Variants in MYO5B observed in about 807,000 individuals in gnomAD.
MYO5B encodes myosin VB.
Under a neutral mutation model 229.3 loss-of-function variants are expected in MYO5B, and 143 were observed. The ratio of observed to expected loss-of-function variants is 0.62; its 90% CI spans 0.54 to 0.72. The LOEUF (loss-of-function observed/expected upper bound fraction) is 0.72. Among genes scored for constraint, MYO5B ranks in the 30% least tolerant of loss-of-function variants. The pLI is 0.00. For synonymous variants in MYO5B, 918 were observed against 885.2 expected (o/e 1.04, Z -0.66); for missense variants, 2,321 against 2,331.0 (o/e 1.00, Z 0.09).
At chr18:50,176,388 T>G (rs2032997468) in intron 1 of MYO5B, among the ~76,000 whole-genome samples, 1 of 152,224 alleles carries the variant, frequency 6.6e-6, no homozygotes, top group African/African-American at 2.4e-5. Flanking sequence ...CTGAAGTTAT[T>G]TTTTCTCATT....
intron 8 of MYO5B, among the ~76,000 whole-genome samples, chr18:49,982,698 A>G (rs2025828698): frequency 6.6e-6 from 1 of 152,206 alleles, no homozygotes; most frequent in African/African-American, 2.4e-5. Flanking sequence ...GTCTATTGCT[A>G]CTTTCACAAA....
chr18:50,147,457 G>A (rs988838469), intron 1 of MYO5B, among the ~76,000 whole-genome samples: 1 of 152,112 alleles, frequency 6.6e-6, no homozygotes, highest in African/African-American at 2.4e-5. Context: ...CCGCCACAGG[G>A]TACATGGATT....
At chr18:49,998,604 C>A (rs1428141405) in intron 5 of MYO5B, among the ~76,000 whole-genome samples, 1 of 152,218 alleles carries the variant, frequency 6.6e-6, no homozygotes, top group African/African-American at 2.4e-5. Flanking sequence ...ACATTCACAG[C>A]AGCACTATGC....
chr18:50,101,323 A>C (rs909770357), intron 1 of MYO5B, among the ~76,000 whole-genome samples: 1 of 152,208 alleles, frequency 6.6e-6, no homozygotes, highest in African/African-American at 2.4e-5. Flanking sequence ...CACAGGGAAG[A>C]GGGGTACTTA....
chr18:50,043,422 T>C (rs1205106231), intron 2 of MYO5B, among the ~76,000 whole-genome samples: 4 of 117,822 alleles, frequency 3.4e-5, no homozygotes, highest in South Asian at 4.6e-4. Flanking sequence ...AATATTTAAA[T>C]ATATTTAAAT....
chr18:50,128,883 T>C (rs2032209738), intron 1 of MYO5B, among the ~76,000 whole-genome samples: 1 of 152,194 alleles, frequency 6.6e-6, no homozygotes, highest in Admixed American at 6.5e-5. Flanking sequence ...ACTGCTTTGG[T>C]GTGAAGCCTC....
intron 32 of MYO5B, 82 bp from the exon 33 acceptor site, chr18:49,847,371 G>T: frequency 6.5e-7 from 1 of 1,533,940 alleles, no homozygotes; most frequent in South Asian, 1.2e-5. Context: ...GGCGGGTGGA[G>T]GATGGGACCT....
intron 4 of MYO5B, among the ~76,000 whole-genome samples, chr18:50,032,409 TTC>T (rs1372384404): frequency 2.0e-5 from 3 of 152,230 alleles, no homozygotes; most frequent in Non-Finnish European, 4.4e-5. Context: ...TAAATCTACT[TTC>T]TGTCTCTATA....
intron 29 of MYO5B, among the ~76,000 whole-genome samples, chr18:49,858,680 C>T (rs1047754178): frequency 1.3e-5 from 2 of 152,246 alleles, no homozygotes; most frequent in Non-Finnish European, 2.9e-5. Flanking sequence ...CCACCAGCCT[C>T]ACAGGGCCAT....
chr18:49,883,352 C>T (rs1366724033), intron 22 of MYO5B, among the ~76,000 whole-genome samples: 1 of 151,960 alleles, frequency 6.6e-6, no homozygotes, highest in African/African-American at 2.4e-5. Context: ...TATATATTTG[C>T]AATGAACAAT....
At chr18:50,192,029 T>C (rs2033235020) in intron 1 of MYO5B, among the ~76,000 whole-genome samples, 1 of 151,644 alleles carries the variant, frequency 6.6e-6, no homozygotes, top group African/African-American at 2.4e-5. Context: ...CGAAGCGATG[T>C]CAAAGATGAA....
chr18:50,192,596 C>A (rs1037011927), intron 1 of MYO5B, among the ~76,000 whole-genome samples: 10 of 152,190 alleles, frequency 6.6e-5, no homozygotes, highest in African/African-American at 2.4e-4. Flanking sequence ...CCAGAAAGTC[C>A]TTTTCTGCCA....
At chr18:49,903,902 C>T (rs1247066673) in intron 20 of MYO5B, among the ~76,000 whole-genome samples, 1 of 152,206 alleles carries the variant, frequency 6.6e-6, no homozygotes, top group Non-Finnish European at 1.5e-5. Context: ...CCCTCCTGAC[C>T]TCACCATGTT....
At chr18:50,111,840 A>C (rs574888025) in intron 1 of MYO5B, among the ~76,000 whole-genome samples, 1 of 152,274 alleles carries the variant, frequency 6.6e-6, no homozygotes, top group African/African-American at 2.4e-5. Context: ...CCTCTTATCA[A>C]CTCATCCCCT....
chr18:50,157,294 TG>T (rs2144313746), intron 1 of MYO5B, among the ~76,000 whole-genome samples: 1 of 152,134 alleles, frequency 6.6e-6, no homozygotes, highest in African/African-American at 2.4e-5. Context: ...TTAGTAGAGA[TG>T]GGGTTTCACC....
intron 1 of MYO5B, among the ~76,000 whole-genome samples, chr18:50,122,943 T>A (rs747964465): frequency 6.6e-6 from 1 of 152,196 alleles, no homozygotes; most frequent in Non-Finnish European, 1.5e-5. Flanking sequence ...AGAATTACCA[T>A]GTGATCTAGC....
At position 49,992,283 on chromosome 18, in the gene MYO5B, C is replaced by T. The variant is rs749623995; in HGVS notation, c.756+5G>A. 16 of 1,614,040 alleles carry T rather than the reference C, an allele frequency of 9.9e-6. No individual in the cohort carries two copies. Among genetic ancestry groups the T allele is most frequent in the Non-Finnish European group, 1.1e-5 (13 of 1,180,022 alleles). Reference sequence around the variant, plus strand: ...ACACAAAAGGGCGCAAATCCTCCCACTCACCTGGAAGACCACTCTGGACTT... The same window carrying T: ...ACACAAAAGGGCGCAAATCCTCCCATTCACCTGGAAGACCACTCTGGACTT... On this transcript the variant is annotated splice_donor_5th_base_variant and intron_variant, in intron 6 of 39. Coordinates refer to ENST00000285039, the MANE Select transcript of MYO5B (RefSeq NM_001080467.3).
At chr18:49,915,261 T>C (rs1253889119) in intron 17 of MYO5B, among the ~76,000 whole-genome samples, 1 of 152,204 alleles carries the variant, frequency 6.6e-6, no homozygotes, top group Non-Finnish European at 1.5e-5. Context: ...TTTGCGAAGT[T>C]GTGCAACTAT....
At position 49,863,208 on chromosome 18, in the gene MYO5B, T is replaced by G. The variant is rs1215400486; in HGVS notation, c.3944+19A>C. The stretch of plus-strand genomic sequence containing the variant: ...TTCTCCGCGGCCTCGTCCAGCACAT[T>G]TGACCGCGGCGGCCTTACCTGTTTG... On this transcript the variant is annotated intron_variant, in intron 29 of 39. Transcript: ENST00000285039. 6.2e-7 allele frequency: 1 copy of G among 1,604,234 alleles called. No individual in the cohort carries two copies. The highest frequency in any genetic ancestry group is 2.2e-5 in the East Asian group (1 of 44,832).
Sources: gnomAD v4.1 joint callset for allele counts (sites outside exome capture counted in the v4.1 genomes callset) on GRCh38, gnomAD v4.1.1 for gene constraint, MANE v1.5 for transcripts, NCBI Gene and HGNC (gene_info 2026-07-23, HGNC 2026-07-21) for gene names.